Variants in IPO7 observed in about 807,000 individuals in gnomAD.
IPO7 encodes the protein importin-7.
A neutral mutation model predicts 136.4 loss-of-function variants in IPO7; 13 were observed. The ratio of observed to expected loss-of-function variants is 0.10; its 90% CI spans 0.06 to 0.15. IPO7 has a LOEUF of 0.15. Among genes scored for constraint, IPO7 ranks in the 10% least tolerant of loss-of-function variants. The probability of loss-of-function intolerance (pLI) is 1.00; values close to 1 mark genes in which losing one functional copy is unlikely to be tolerated. For synonymous variants in IPO7, 403 were observed against 404.4 expected, an observed-to-expected ratio of 1.00 and a Z score of 0.04; for missense variants, 857 against 1,240.6, an observed-to-expected ratio of 0.69 and a Z score of 4.65.
chr11:9,400,475 G>T (rs1475604877), intron 1 of IPO7, among the ~76,000 whole-genome samples: 2 of 151,762 alleles, frequency 1.3e-5, no homozygotes, highest in East Asian at 3.9e-4. Flanking sequence ...AGGCTGGAGT[G>T]CGGTGGCGCG....
chr11:9,440,181 G>T (rs141669236), intron 22 of IPO7, among the ~76,000 whole-genome samples: 1 of 152,120 alleles, frequency 6.6e-6, no homozygotes, highest in Admixed American at 6.5e-5. Context: ...CTTACAAAAG[G>T]TTTGGTGGGT....
intron 1 of IPO7, 110 bp downstream of exon 1, chr11:9,384,957 C>A: frequency 1.3e-6 from 1 of 793,236 alleles, no homozygotes; most frequent in Non-Finnish European, 2.0e-6. Flanking sequence ...AGGGTCCCAG[C>A]AGGAGGGTGG....
chr11:9,419,991 A>G (rs924368068), intron 6 of IPO7, among the ~76,000 whole-genome samples: 1 of 152,208 alleles, frequency 6.6e-6, no homozygotes, highest in African/African-American at 2.4e-5. Context: ...TGATTTAAAT[A>G]GGGTTAATAC....
chr11:9,422,138 G>C (rs1022400606), intron 8 of IPO7, among the ~76,000 whole-genome samples: 1 of 152,096 alleles, frequency 6.6e-6, no homozygotes, highest in Non-Finnish European at 1.5e-5. Context: ...AATCAGCCAG[G>C]TGTGGTGGTG....
chr11:9,389,786 GT>G (rs950738761), intron 1 of IPO7, among the ~76,000 whole-genome samples: 5 of 150,296 alleles, frequency 3.3e-5, no homozygotes, highest in African/African-American at 9.8e-5. Context: ...TTTGAGTGGA[GT>G]TTCGCTCTTT....
chr11:9,438,639 T>A (rs75143321), intron 22 of IPO7, among the ~76,000 whole-genome samples: 1,827 of 151,340 alleles, frequency 0.012, 29 homozygotes, highest in African/African-American at 0.036. Flanking sequence ...TAAAAAAAAA[T>A]ATATATATAT....
chr11:9,436,468 G>C, intron 20 of IPO7, 102 bp downstream of exon 20: 1 of 688,520 alleles, frequency 1.5e-6, no homozygotes, highest in Admixed American at 2.9e-5. Context: ...GTATGTTTTT[G>C]TTTATTGAGA....
chr11:9,387,169 CTCAT>C (rs1854562885), intron 1 of IPO7, among the ~76,000 whole-genome samples: 1 of 152,188 alleles, frequency 6.6e-6, no homozygotes. Flanking sequence ...TATGATGTCT[CTCAT>C]TCCAGTGAAG....
chr11:9,397,205 G>A (rs1054736025), intron 1 of IPO7, among the ~76,000 whole-genome samples: 3 of 149,676 alleles, frequency 2.0e-5, no homozygotes, highest in Admixed American at 1.4e-4. Flanking sequence ...CTGCAGCCTC[G>A]AACTGCAAAC....
rs552428900 is a variant in IPO7 at position 9,422,755 on chromosome 11, C to T, written c.907-251C>T. ...TTGAGGCCAGGAGTTAGAGACCAGC[C>T]GGGGCAACGTAGTGAGACACTGTCT... On this transcript the variant is annotated intron_variant, in intron 8 of 24. Coordinates refer to ENST00000379719, the MANE Select transcript of IPO7 (RefSeq NM_006391.3). Among the ~76,000 whole-genome samples the T allele has an allele frequency of 5.3e-5, 8 of 152,020 alleles. 1 individual carries two copies. Among genetic ancestry groups the T allele is most frequent in the African/African-American group, 1.7e-4 (7 of 41,448 alleles).
In IPO7 at chr11:9,412,054, T is replaced by G. The variant is rs1854974632; in HGVS notation, c.479+1968T>G. On this transcript the variant is annotated intron_variant, in intron 4 of 24. Transcript: ENST00000379719. ...GTATAATCAGATTGGAGAGTGCAAA[T>G]GGCTTTCTTTTGTGAATTGTTATTT... Among the ~76,000 whole-genome samples, 3 of 152,234 alleles carry G rather than the reference T, an allele frequency of 2.0e-5. No individual in the cohort carries two copies. The South Asian group carries it at 6.2e-4, about 32-fold the overall frequency.
chr11:9,385,602 G>A (rs977312561), intron 1 of IPO7, among the ~76,000 whole-genome samples: 3 of 152,152 alleles, frequency 2.0e-5, no homozygotes, highest in African/African-American at 7.2e-5. Flanking sequence ...TTGATCCTGA[G>A]TTTTTCCCAT....
rs773672005 is a variant in IPO7, at chr11:9,408,473, A to T, written c.167-13A>T. On this transcript the variant is annotated splice_polypyrimidine_tract_variant and intron_variant, in intron 2 of 24. Coordinates refer to ENST00000379719, the MANE Select transcript of IPO7 (RefSeq NM_006391.3). ...CAGTAAACATTCTTTTGTCAAACTG[A>T]TCTGTATTTTAGGTGTTATCTATCT... is the stretch of plus-strand genomic sequence containing the variant. 46 of 1,472,176 alleles carry T rather than the reference A, an allele frequency of 3.1e-5. No individual in the cohort carries two copies. The highest frequency in any genetic ancestry group is 4.0e-5 in the Non-Finnish European group (44 of 1,105,638). The allele number at this position is 1,472,176 out of a possible 1,614,324, so 91.2% of individuals were successfully genotyped here. A position where few individuals can be genotyped will look rare whatever the true frequency, so the allele number is the denominator to read the frequency against.
intron 20 of IPO7, among the ~76,000 whole-genome samples, 177 bp from the exon 21 acceptor site, chr11:9,437,577 A>G (rs1298029795): frequency 6.6e-6 from 1 of 152,342 alleles, no homozygotes; most frequent in East Asian, 1.9e-4. Flanking sequence ...TAATAGCTCC[A>G]TGAAGACTAC....
At chr11:9,406,367 G>A (rs1002458381) in intron 2 of IPO7, among the ~76,000 whole-genome samples, 1 of 151,628 alleles carries the variant, frequency 6.6e-6, no homozygotes, top group Non-Finnish European at 1.5e-5. Context: ...ACATTTTCCC[G>A]TTTTTAGATA....
chr11:9,402,408 A>C (rs1854812294), intron 1 of IPO7, among the ~76,000 whole-genome samples: 1 of 147,628 alleles, frequency 6.8e-6, no homozygotes, highest in Non-Finnish European at 1.5e-5. Context: ...TCAAAAAAAA[A>C]AAAAAAAAAA....
chr11:9,385,194 A>AG lies in IPO7; in HGVS notation c.84+352dup, dbSNP rs200284647. On this transcript the variant is annotated intron_variant, in intron 1 of 24. Coordinates refer to ENST00000379719, the MANE Select transcript of IPO7 (RefSeq NM_006391.3). ...TCCCAGCTGGTTCCTCACGTCCAGG[A>AG]GGGGGCGAAACTTACTGGGAGGTTT... Among the ~76,000 whole-genome samples the AG allele has an allele frequency of 4.9e-3, 741 of 152,032 alleles. 2 individuals are homozygous for AG. The highest frequency in any genetic ancestry group is 0.011 in the South Asian group (55 of 4,796).
At position 9,448,004 on chromosome 11, in the gene IPO7, A is replaced by G. The variant is rs1405412094; in HGVS notation, c.*2810A>G. The G allele has an allele frequency of 6.6e-6, 1 of 152,184 alleles. No individual in the cohort carries two copies. The highest frequency in any genetic ancestry group is 2.4e-5 in the African/African-American group (1 of 41,438). 9.4% of individuals were successfully genotyped at this position (152,184 alleles called of 1,614,324 possible). A position where few individuals can be genotyped will look rare whatever the true frequency, so the allele number is the denominator to read the frequency against. On this transcript the variant is annotated 3_prime_UTR_variant, in exon 25 of 25. Coordinates refer to ENST00000379719, the MANE Select transcript of IPO7 (RefSeq NM_006391.3). ...TGAATTAAAAATTAAATTAATATGGAAAGTTAAAAAATGGATTACATTAGT... is the reference window on the plus strand; with the variant it reads ...TGAATTAAAAATTAAATTAATATGGGAAGTTAAAAAATGGATTACATTAGT...
chr11:9,440,925 G>T (rs1855452579), intron 23 of IPO7, among the ~76,000 whole-genome samples: 1 of 152,160 alleles, frequency 6.6e-6, no homozygotes, highest in Non-Finnish European at 1.5e-5. Flanking sequence ...GTGCCTCTTT[G>T]CTACTTCTGA....
Sources: allele counts gnomAD v4.1 joint callset (sites outside exome capture counted in the v4.1 genomes callset), GRCh38; gene constraint gnomAD v4.1.1; transcripts MANE v1.5; gene names NCBI Gene and HGNC (gene_info 2026-07-23, HGNC 2026-07-21).